Variants in CSMD1 observed in about 807,000 individuals in gnomAD.
CSMD1 encodes CUB and Sushi multiple domains 1, also known as CUB and sushi domain-containing protein 1.
In CSMD1, 213 loss-of-function variants were observed where a neutral mutation model predicts 417.5. That is an observed-to-expected ratio of 0.51 (90% CI 0.46 to 0.57). The LOEUF is 0.57. Among genes scored for constraint, CSMD1 ranks in the 20% least tolerant of loss-of-function variants. The probability of loss-of-function intolerance (pLI) is 0.00; values close to 1 mark genes in which losing one functional copy is unlikely to be tolerated. For synonymous variants in CSMD1, 2,862 were observed against 1,736.8 expected (o/e 1.65, Z -16.11); for missense variants, 6,923 against 4,529.7 (o/e 1.53, Z -15.17).
chr8:4,190,901 G>C (rs941102747), intron 3 of CSMD1, among the ~76,000 whole-genome samples: 2 of 148,314 alleles, frequency 1.3e-5, no homozygotes, highest in African/African-American at 5.0e-5. Flanking sequence ...TAAATTGTGA[G>C]AACACATGGG....
intron 2 of CSMD1, among the ~76,000 whole-genome samples, chr8:4,538,142 G>A (rs1797195083): frequency 1.3e-5 from 2 of 151,184 alleles, no homozygotes; most frequent in Admixed American, 6.6e-5. Context: ...ATGTCATTTG[G>A]CACAGGTATA....
At chr8:3,767,887 T>TA (rs771206626) in intron 5 of CSMD1, among the ~76,000 whole-genome samples, 10 of 152,204 alleles carry the variant, frequency 6.6e-5, no homozygotes, top group Non-Finnish European at 1.5e-4. Flanking sequence ...TATATCATGG[T>TA]AAAAAGTTAA....
intron 3 of CSMD1, among the ~76,000 whole-genome samples, chr8:4,051,491 T>G (rs1214868657): frequency 6.6e-6 from 1 of 152,144 alleles, no homozygotes; most frequent in Non-Finnish European, 1.5e-5. Flanking sequence ...ACCATTGTTG[T>G]TATTCTGTAT....
intron 52 of CSMD1, among the ~76,000 whole-genome samples, chr8:3,008,806 T>G (rs989118644): frequency 6.6e-6 from 1 of 152,190 alleles, no homozygotes; most frequent in Non-Finnish European, 1.5e-5. Flanking sequence ...CCACACTGAT[T>G]GTCAGTGGTG....
intron 12 of CSMD1, among the ~76,000 whole-genome samples, chr8:3,457,971 A>G: frequency 6.6e-6 from 1 of 152,236 alleles, no homozygotes; most frequent in East Asian, 1.9e-4. Context: ...TATCACCTAG[A>G]AGTACACCTT....
intron 1 of CSMD1, among the ~76,000 whole-genome samples, chr8:4,692,055 G>A (rs549031684): frequency 5.4e-4 from 82 of 152,238 alleles, no homozygotes; most frequent in African/African-American, 1.8e-3. Flanking sequence ...ATAATGCGGG[G>A]CACACAACCT....
At chr8:3,748,418 G>A (rs1007195477) in intron 6 of CSMD1, among the ~76,000 whole-genome samples, 1 of 152,170 alleles carries the variant, frequency 6.6e-6, no homozygotes, top group South Asian at 2.1e-4. Flanking sequence ...CAGGCAGGAG[G>A]CCCATGTGGA....
At chr8:4,873,465 C>A (rs1355064466) in intron 1 of CSMD1, among the ~76,000 whole-genome samples, 3 of 152,044 alleles carry the variant, frequency 2.0e-5, no homozygotes, top group Non-Finnish European at 4.4e-5. Context: ...AGAAAAAATT[C>A]CAGAAATTTT....
chr8:4,264,467 A>G (rs17069782), intron 3 of CSMD1, among the ~76,000 whole-genome samples: 21,265 of 152,138 alleles, frequency 0.14, 2,596 homozygotes, highest in African/African-American at 0.33. Flanking sequence ...TTTGCAGATC[A>G]CAATTCTCTC....
chr8:3,809,778 G>T (rs1016819060), intron 5 of CSMD1, among the ~76,000 whole-genome samples: 4 of 152,130 alleles, frequency 2.6e-5, no homozygotes, highest in Non-Finnish European at 5.9e-5. Context: ...GTATTAGAAT[G>T]GGGGGTTCTA....
At chr8:4,367,257 A>C (rs921937459) in intron 3 of CSMD1, among the ~76,000 whole-genome samples, 1 of 152,160 alleles carries the variant, frequency 6.6e-6, no homozygotes, top group Non-Finnish European at 1.5e-5. Flanking sequence ...TCATAAGTCC[A>C]GCCGGGCCAG....
chr8:4,418,635 G>C (rs113431271), intron 3 of CSMD1, among the ~76,000 whole-genome samples: 1 of 152,128 alleles, frequency 6.6e-6, no homozygotes, highest in South Asian at 2.1e-4. Flanking sequence ...TTGCTTTAGA[G>C]ATGCTTTTGT....
At chr8:4,223,953 A>G (rs1470923062) in intron 3 of CSMD1, among the ~76,000 whole-genome samples, 2 of 152,192 alleles carry the variant, frequency 1.3e-5, no homozygotes, top group Non-Finnish European at 2.9e-5. Flanking sequence ...GTGCTTGAAC[A>G]TACTAGTCCA....
Position 4,486,487 on chromosome 8 carries a change from G to C in CSMD1, c.303-66422C>G, listed in dbSNP as rs939984439. ...TATTTCTTCCTTTATATTAGTTTTA[G>C]ATTTTAAAAATTAGTGATGTTTATA... On this transcript the variant is annotated intron_variant, in intron 2 of 69. Coordinates refer to ENST00000635120, the MANE Select transcript of CSMD1 (RefSeq NM_033225.6). Among the ~76,000 whole-genome samples, 3 of 151,400 alleles carry C rather than the reference G, an allele frequency of 2.0e-5. No individual in the cohort carries two copies. The East Asian group carries it at 5.8e-4, about 29-fold the overall frequency.
At chr8:4,279,769 G>C (rs79495707) in intron 3 of CSMD1, among the ~76,000 whole-genome samples, 1 of 152,132 alleles carries the variant, frequency 6.6e-6, no homozygotes, top group African/African-American at 2.4e-5. Flanking sequence ...AAAACTCTAC[G>C]TAAGATATGG....
At position 4,440,095 on chromosome 8, in the gene CSMD1, T is replaced by C. The variant is rs1001201620; in HGVS notation, c.303-20030A>G. Among the ~76,000 whole-genome samples, 7 of 152,160 alleles carry C rather than the reference T, an allele frequency of 4.6e-5. No homozygotes were observed. In the East Asian group the frequency reaches 1.2e-3, roughly 25 times the overall value. On this transcript the variant is annotated intron_variant, in intron 2 of 69. Transcript: ENST00000635120. ...CACTGTTTTTAACTGTGTTAGGATA[T>C]TGGAAAAGAGGAACTCATTCTCTTT...
At chr8:3,773,545 C>T (rs914195895) in intron 5 of CSMD1, among the ~76,000 whole-genome samples, 1 of 152,094 alleles carries the variant, frequency 6.6e-6, no homozygotes, top group Admixed American at 6.6e-5. Context: ...CCTTGGCCTC[C>T]CAAACTGCTG....
chr8:4,370,620 T>G (rs1200399894), intron 3 of CSMD1, among the ~76,000 whole-genome samples: 2 of 152,204 alleles, frequency 1.3e-5, no homozygotes, highest in African/African-American at 4.8e-5. Flanking sequence ...TTTGGAAGTT[T>G]TGTCCATTTT....
At chr8:2,985,934 G>A (rs1359191396) in intron 54 of CSMD1, among the ~76,000 whole-genome samples, 1 of 143,580 alleles carries the variant, frequency 7.0e-6, no homozygotes, top group East Asian at 2.1e-4. Flanking sequence ...GGGGAGGGGA[G>A]GGAAGGGAAG....
Sources: gnomAD v4.1 joint callset for allele counts (sites outside exome capture counted in the v4.1 genomes callset) on GRCh38, gnomAD v4.1.1 for gene constraint, MANE v1.5 for transcripts, NCBI Gene and HGNC (gene_info 2026-07-23, HGNC 2026-07-21) for gene names.